The following KCNH5 variants were observed in gnomAD, a reference collection of about 807,000 sequenced individuals.
KCNH5 encodes the protein voltage-gated delayed rectifier potassium channel KCNH5.
In KCNH5, 46 loss-of-function variants were observed where a neutral mutation model predicts 96.1. The ratio of observed to expected loss-of-function variants is 0.48; its 90% CI spans 0.38 to 0.61. The LOEUF is 0.61. KCNH5 is among the 20% of genes least tolerant of loss of function. KCNH5 has a pLI of 0.00. For missense variants in KCNH5, 907 were observed against 1,225.8 expected (o/e 0.74, Z 3.88); for synonymous variants, 439 against 449.8 (o/e 0.98, Z 0.30).
intron 10 of KCNH5, among the ~76,000 whole-genome samples, chr14:62,778,690 T>C (rs761401920): frequency 6.6e-6 from 1 of 152,278 alleles, no homozygotes; most frequent in Admixed American, 6.5e-5. Flanking sequence ...GTGTGTTCTC[T>C]ACAGCTATTC....
intron 8 of KCNH5, among the ~76,000 whole-genome samples, chr14:62,842,332 A>C (rs1337881378): frequency 6.6e-6 from 1 of 152,192 alleles, no homozygotes; most frequent in Non-Finnish European, 1.5e-5. Flanking sequence ...GAAACGAAAA[A>C]ACTGAGGTTT....
chr14:63,011,230 C>A (rs1006764834), intron 2 of KCNH5, among the ~76,000 whole-genome samples: 1 of 152,106 alleles, frequency 6.6e-6, no homozygotes, highest in African/African-American at 2.4e-5. Context: ...CGCCTGTAAT[C>A]CCAGCACTTT....
At chr14:63,023,895 T>C (rs1891475451) in intron 1 of KCNH5, among the ~76,000 whole-genome samples, 1 of 152,052 alleles carries the variant, frequency 6.6e-6, no homozygotes, top group Non-Finnish European at 1.5e-5. Context: ...AAGGAAGAAA[T>C]TTGAAAGGGA....
intron 4 of KCNH5, among the ~76,000 whole-genome samples, chr14:62,990,724 C>T (rs374884084): frequency 1.3e-5 from 2 of 151,980 alleles, no homozygotes; most frequent in African/African-American, 4.8e-5. Flanking sequence ...TGTATTAGTC[C>T]GTTCTCATGC....
At chr14:62,985,561 T>C (rs1436737600) in intron 5 of KCNH5, among the ~76,000 whole-genome samples, 1 of 152,194 alleles carries the variant, frequency 6.6e-6, no homozygotes, top group Non-Finnish European at 1.5e-5. Context: ...CTCAGCATAG[T>C]TTTGGTAGCT....
chr14:62,925,356 A>C (rs755986261), intron 7 of KCNH5, among the ~76,000 whole-genome samples: 1 of 152,058 alleles, frequency 6.6e-6, no homozygotes, highest in Non-Finnish European at 1.5e-5. Context: ...ATTAAACCAT[A>C]TGGTCTTTCT....
chr14:62,851,340 T>C (rs1183411208), intron 7 of KCNH5, among the ~76,000 whole-genome samples: 1 of 152,106 alleles, frequency 6.6e-6, no homozygotes, highest in African/African-American at 2.4e-5. Flanking sequence ...CCTGTGTGCA[T>C]ATATTTATTT....
intron 10 of KCNH5, among the ~76,000 whole-genome samples, chr14:62,715,109 C>G (rs938485761): frequency 1.3e-5 from 2 of 152,122 alleles, no homozygotes; most frequent in African/African-American, 4.8e-5. Context: ...ACATGGCCAA[C>G]TGAGCTTTCC....
intron 5 of KCNH5, among the ~76,000 whole-genome samples, chr14:62,985,857 A>G (rs974133621): frequency 1.3e-5 from 2 of 152,174 alleles, no homozygotes; most frequent in East Asian, 1.9e-4. Context: ...CAAACTTTGT[A>G]TGCCCCAAAC....
chr14:62,990,682 T>C (rs1405230538), intron 4 of KCNH5, among the ~76,000 whole-genome samples: 1 of 152,036 alleles, frequency 6.6e-6, no homozygotes, highest in Non-Finnish European at 1.5e-5. Context: ...CGTGCGACTT[T>C]TAGTTGCCAG....
At position 62,826,407 on chromosome 14, in the gene KCNH5, C is replaced by CGTGTGT. The variant is rs1566673515; in HGVS notation, c.1569+23245_1569+23246insACACAC. Among the ~76,000 whole-genome samples, 52 of 53,770 alleles carry CGTGTGT rather than the reference C, an allele frequency of 9.7e-4. 1 individual carries two copies. The highest frequency in any genetic ancestry group is 1.0e-3 in the African/African-American group (11 of 10,768). The allele number at this position is 53,770 out of a possible 152,430, so 35.3% of individuals were successfully genotyped here. On this transcript the variant is annotated intron_variant, in intron 8 of 10. Transcript: ENST00000322893. Reference sequence around the variant, plus strand: ...TTGTGTGTGTGTGTGTGCGTGCGTGCATGTGTGTGTGTGTGTGTGTGTGTG... The same window carrying CGTGTGT: ...TTGTGTGTGTGTGTGTGCGTGCGTGCGTGTGTATGTGTGTGTGTGTGTGTGTGTGTG...
intron 7 of KCNH5, among the ~76,000 whole-genome samples, chr14:62,941,968 A>C (rs1238365436): frequency 1.3e-5 from 2 of 151,998 alleles, no homozygotes; most frequent in Non-Finnish European, 2.9e-5. Context: ...TAGCTGCCTA[A>C]TTTCTATATG....
intron 9 of KCNH5, among the ~76,000 whole-genome samples, chr14:62,782,498 C>T (rs1044843610): frequency 2.6e-5 from 4 of 151,996 alleles, no homozygotes; most frequent in African/African-American, 9.7e-5. Flanking sequence ...TTTATTTGGC[C>T]AAGGAAGGGA....
At chr14:62,823,086 G>A (rs1487198066) in intron 8 of KCNH5, among the ~76,000 whole-genome samples, 2 of 152,010 alleles carry the variant, frequency 1.3e-5, no homozygotes, top group African/African-American at 2.4e-5. Flanking sequence ...ACTCCACCTG[G>A]CTCTTTTGGA....
At chr14:63,003,643 G>A (rs1299371506) in intron 3 of KCNH5, among the ~76,000 whole-genome samples, 1 of 102,138 alleles carries the variant, frequency 9.8e-6, no homozygotes, top group Non-Finnish European at 1.8e-5. Context: ...TTTTTGAGAC[G>A]GAGTCTCACT....
At chr14:62,857,621 A>G (rs1384178175) in intron 7 of KCNH5, among the ~76,000 whole-genome samples, 1 of 152,166 alleles carries the variant, frequency 6.6e-6, no homozygotes, top group Non-Finnish European at 1.5e-5. Flanking sequence ...AGCATCCATC[A>G]TGGGAGAAAG....
intron 7 of KCNH5, among the ~76,000 whole-genome samples, chr14:62,863,831 T>C (rs1382242473): frequency 2.0e-5 from 3 of 152,162 alleles, no homozygotes; most frequent in Non-Finnish European, 2.9e-5. Context: ...CTGAAAAGAT[T>C]AATGGCATAT....
intron 10 of KCNH5, among the ~76,000 whole-genome samples, chr14:62,742,569 T>C (rs1885293022): frequency 6.6e-6 from 1 of 152,222 alleles, no homozygotes; most frequent in Non-Finnish European, 1.5e-5. Flanking sequence ...CATTGTATTT[T>C]ATTCAAAGTT....
At chr14:62,718,417 T>C (rs1884733235) in intron 10 of KCNH5, among the ~76,000 whole-genome samples, 1 of 152,144 alleles carries the variant, frequency 6.6e-6, no homozygotes, top group Non-Finnish European at 1.5e-5. Context: ...TGAATAGACA[T>C]TTATTGAAAG....
Sources: gnomAD v4.1 joint callset for allele counts (sites outside exome capture counted in the v4.1 genomes callset) on GRCh38, gnomAD v4.1.1 for gene constraint, MANE v1.5 for transcripts, NCBI Gene and HGNC (gene_info 2026-07-23, HGNC 2026-07-21) for gene names.